The following MCTP1 variants were observed in gnomAD, a reference collection of about 807,000 sequenced individuals.
MCTP1 encodes the protein multiple C2 and transmembrane domain-containing protein 1.
MCTP1 carries 69 observed loss-of-function variants against 120.6 expected under a neutral mutation model. The observed-to-expected ratio is 0.57, with a 90% CI of 0.47 to 0.70. The LOEUF (loss-of-function observed/expected upper bound fraction) is 0.70. Ranked by LOEUF, MCTP1 falls within the 30% of genes least tolerant of loss-of-function variation. MCTP1 has a pLI of 0.00. For synonymous variants in MCTP1, 529 were observed against 493.1 expected (o/e 1.07, Z -0.96); for missense variants, 1,203 against 1,248.8 (o/e 0.96, Z 0.55).
chr5:95,168,794 T>G (rs184500491), intron 1 of MCTP1, among the ~76,000 whole-genome samples: 95 of 152,372 alleles, frequency 6.2e-4, no homozygotes, highest in African/African-American at 2.1e-3. Context: ...AAGGAGATTT[T>G]GGGCTGAGAC....
chr5:95,011,631 C>A (rs1835976949), intron 2 of MCTP1, among the ~76,000 whole-genome samples: 1 of 151,894 alleles, frequency 6.6e-6, no homozygotes. Context: ...TCTCTCCAGC[C>A]AGGACATGAA....
chr5:95,011,852 A>G (rs1369727747), intron 2 of MCTP1, among the ~76,000 whole-genome samples: 4 of 152,132 alleles, frequency 2.6e-5, no homozygotes, highest in Admixed American at 1.3e-4. Context: ...TGGTCATTAA[A>G]TGTTCCTTTA....
intron 1 of MCTP1, among the ~76,000 whole-genome samples, chr5:95,087,283 G>A (rs776475039): frequency 2.6e-5 from 4 of 152,166 alleles, no homozygotes; most frequent in Non-Finnish European, 5.9e-5. Context: ...ATTAAACTTT[G>A]AAATAAATAT....
At chr5:95,073,942 C>A (rs1220972105) in intron 1 of MCTP1, among the ~76,000 whole-genome samples, 3 of 152,112 alleles carry the variant, frequency 2.0e-5, no homozygotes, top group Non-Finnish European at 4.4e-5. Context: ...GAAACCCCGT[C>A]TCTACTGAAA....
chr5:94,846,492 G>A (rs1218376336), intron 17 of MCTP1, among the ~76,000 whole-genome samples: 2 of 152,006 alleles, frequency 1.3e-5, no homozygotes, highest in African/African-American at 4.8e-5. Flanking sequence ...CACACACTGG[G>A]GCCTATGTGA....
chr5:94,755,376 C>T (rs1309060344), intron 19 of MCTP1, among the ~76,000 whole-genome samples: 3 of 152,076 alleles, frequency 2.0e-5, no homozygotes, highest in Non-Finnish European at 4.4e-5. Context: ...CTAAAATGAG[C>T]CCCAAGGTCC....
intron 17 of MCTP1, chr5:94,826,575 T>C: frequency 2.7e-6 from 2 of 742,090 alleles, no homozygotes; most frequent in Non-Finnish European, 2.4e-6. Context: ...TTTCAAAGCA[T>C]CTTTTGGGCA....
chr5:95,282,901 G>A (rs1486699991), intron 1 of MCTP1, among the ~76,000 whole-genome samples: 3 of 152,162 alleles, frequency 2.0e-5, no homozygotes. Context: ...AAGTTTTAAT[G>A]CAAGTGTCAT....
At chr5:94,732,161 CA>C (rs1437813196) in intron 19 of MCTP1, among the ~76,000 whole-genome samples, 16 of 152,196 alleles carry the variant, frequency 1.1e-4, no homozygotes, top group Non-Finnish European at 2.1e-4. Flanking sequence ...CATTGACAGG[CA>C]GTGTTAACAG....
At chr5:94,937,825 TC>T (rs1218665652) in intron 5 of MCTP1, among the ~76,000 whole-genome samples, 9 of 151,992 alleles carry the variant, frequency 5.9e-5, no homozygotes, top group Non-Finnish European at 1.2e-4. Context: ...CATTATCAAA[TC>T]ACCCAAATCA....
rs976552991 is a variant in MCTP1, at chr5:94,892,582, G to C, written c.1839+2067C>G. On this transcript the variant is annotated intron_variant, in intron 11 of 22. Coordinates refer to ENST00000515393, the MANE Select transcript of MCTP1 (RefSeq NM_024717.7). ...GTGATCAAAAAATGGCTCACAGAGC[G>C]ATGTTTGTTTAATTTGTGGGGCTTC... Among the ~76,000 whole-genome samples, 4 of 152,102 alleles carry C rather than the reference G, an allele frequency of 2.6e-5. No homozygotes were observed. In the South Asian group the frequency reaches 6.2e-4, roughly 24 times the overall value.
chr5:94,713,315 C>A (rs997482232), intron 20 of MCTP1, among the ~76,000 whole-genome samples: 14 of 151,982 alleles, frequency 9.2e-5, no homozygotes, highest in Non-Finnish European at 2.9e-5. Flanking sequence ...ATAGGAAGTT[C>A]TACAAAACCC....
chr5:94,719,102 C>T (rs1296191138), intron 19 of MCTP1, among the ~76,000 whole-genome samples: 1 of 152,214 alleles, frequency 6.6e-6, no homozygotes, highest in Non-Finnish European at 1.5e-5. Flanking sequence ...ATCCAAACCA[C>T]AATGAGATAC....
intron 1 of MCTP1, among the ~76,000 whole-genome samples, chr5:95,203,395 G>A (rs1751285560): frequency 6.6e-6 from 1 of 152,160 alleles, no homozygotes; most frequent in South Asian, 2.1e-4. Context: ...TATAATTAAG[G>A]TAAAGATCTT....
At position 95,042,074 on chromosome 5, in the gene MCTP1, A is replaced by C. The variant is rs190642878; in HGVS notation, c.721-24590T>G. Among the ~76,000 whole-genome samples the C allele has an allele frequency of 1.2e-4, 18 of 152,272 alleles. No homozygotes were observed. In the East Asian group the frequency reaches 3.5e-3, roughly 29 times the overall value. ...GTTTTCTCAAACTTACTGCTTCATC[A>C]CTGAAATGTTAGACCAGCTGCTTTT... is the stretch of plus-strand genomic sequence containing the variant. On this transcript the variant is annotated intron_variant, in intron 1 of 22. Transcript: ENST00000515393.
In MCTP1 at chr5:94,734,361, TA is replaced by T. The variant is rs938698664; in HGVS notation, c.2611-19476del. Among the ~76,000 whole-genome samples, 5 of 152,140 alleles carry T rather than the reference TA, an allele frequency of 3.3e-5. No individual in the cohort carries two copies. The East Asian group carries it at 5.8e-4, about 18-fold the overall frequency. On this transcript the variant is annotated intron_variant, in intron 19 of 22. Coordinates refer to ENST00000515393, the MANE Select transcript of MCTP1 (RefSeq NM_024717.7). Reference sequence around the variant, plus strand: ...TTGGAAAATAAACACAAACATAGAGTAAAAAAAACTCTGGTAAACATTATTA... The same window carrying T: ...TTGGAAAATAAACACAAACATAGAGTAAAAAAACTCTGGTAAACATTATTA...
chr5:95,142,066 T>C (rs572501753), intron 1 of MCTP1, among the ~76,000 whole-genome samples: 1 of 152,338 alleles, frequency 6.6e-6, no homozygotes, highest in Non-Finnish European at 1.5e-5. Flanking sequence ...TTCAAAATTA[T>C]TTCTTCATTG....
intron 1 of MCTP1, among the ~76,000 whole-genome samples, chr5:95,251,372 G>A (rs573465901): frequency 6.6e-6 from 1 of 152,224 alleles, no homozygotes; most frequent in East Asian, 1.9e-4. Flanking sequence ...TAGTCAAGAG[G>A]TTCAGGTTGA....
chr5:95,118,586 T>A (rs761784480), intron 1 of MCTP1, among the ~76,000 whole-genome samples: 2 of 152,024 alleles, frequency 1.3e-5, no homozygotes, highest in African/African-American at 4.8e-5. Flanking sequence ...TTAAAAGACA[T>A]AGAGTGGCTG....
Sources: allele counts gnomAD v4.1 joint callset (sites outside exome capture counted in the v4.1 genomes callset), GRCh38; gene constraint gnomAD v4.1.1; transcripts MANE v1.5; gene names NCBI Gene and HGNC (gene_info 2026-07-23, HGNC 2026-07-21).